CATSPERE: variants seen among roughly 807,000 people sequenced by gnomAD.
The protein encoded by CATSPERE is catsper channel auxiliary subunit epsilon.
In CATSPERE, 93 loss-of-function variants were observed where a neutral mutation model predicts 114.1. That is an observed-to-expected ratio of 0.81 (90% CI 0.69 to 0.97). The LOEUF is 0.97. CATSPERE is among the 50% of genes least tolerant of loss of function. The pLI is 0.00. For synonymous variants in CATSPERE, 341 were observed against 384.1 expected (o/e 0.89, Z 1.31); for missense variants, 1,058 against 1,131.6 (o/e 0.93, Z 0.93).
intron 11 of CATSPERE, among the ~76,000 whole-genome samples, chr1:244,581,058 C>A (rs1407024898): frequency 6.6e-6 from 1 of 151,934 alleles, no homozygotes; most frequent in African/African-American, 2.4e-5. Flanking sequence ...AGTTTCACAA[C>A]CTACATATGC....
chr1:244,535,053 C>A (rs971181563), intron 8 of CATSPERE, among the ~76,000 whole-genome samples: 3 of 152,186 alleles, frequency 2.0e-5, no homozygotes, highest in African/African-American at 7.2e-5. Context: ...TGGAAAAATT[C>A]TCTGAATTAC....
rs1041254178 is a variant in CATSPERE, at chr1:244,568,517, C to A, written c.1508-3813C>A. Among the ~76,000 whole-genome samples, 2 of 152,222 alleles carry A rather than the reference C, an allele frequency of 1.3e-5. No homozygotes were observed. Among genetic ancestry groups the A allele is most frequent in the Non-Finnish European group, 2.9e-5 (2 of 68,038 alleles). ...TATAAGCCCCTGAGTGGGGCTGCTG[C>A]CTTTCTTTCAGAGATGCGCTGCCCA... On this transcript the variant is annotated intron_variant, in intron 10 of 21. Transcript: ENST00000366534. This position sits in a 1 kb window ranked among gnomAD's most constrained non-coding sequence, Gnocchi z 4.4.
chr1:244,549,955 A>G (rs1660350321), intron 8 of CATSPERE, among the ~76,000 whole-genome samples: 1 of 152,152 alleles, frequency 6.6e-6, no homozygotes, highest in Admixed American at 6.5e-5. Flanking sequence ...CGAAAGGGCA[A>G]AAGAAGAGCG....
chr1:244,509,332 A>G (rs1164813681), intron 7 of CATSPERE, among the ~76,000 whole-genome samples: 2 of 152,072 alleles, frequency 1.3e-5, no homozygotes, highest in Non-Finnish European at 2.9e-5. Flanking sequence ...CTGTTAAGAC[A>G]ATCATATGGT....
intron 7 of CATSPERE, 77 bp from the exon 8 acceptor site, chr1:244,518,515 T>A (rs1676999740): frequency 1.1e-6 from 1 of 895,058 alleles, no homozygotes; most frequent in African/African-American, 1.7e-5. Context: ...AATAACAAAT[T>A]CAATATATCC....
intron 7 of CATSPERE, among the ~76,000 whole-genome samples, chr1:244,499,650 A>G (rs917678710): frequency 6.6e-6 from 1 of 152,154 alleles, no homozygotes; most frequent in South Asian, 2.1e-4. Flanking sequence ...AGTTTCATCC[A>G]TGTCCCTGCA....
At chr1:244,567,743 G>C (rs566993722) in intron 10 of CATSPERE, among the ~76,000 whole-genome samples, 88 of 151,846 alleles carry the variant, frequency 5.8e-4, no homozygotes, top group African/African-American at 2.0e-3. Flanking sequence ...AATTCATCTA[G>C]CCTTTTTTCA....
At chr1:244,477,832 T>TA (rs1669610498) in intron 3 of CATSPERE, 74 bp from the exon 4 acceptor site, 9 of 1,280,080 alleles carry the variant, frequency 7.0e-6, no homozygotes, top group Middle Eastern at 1.9e-4. Context: ...TTTTTAGGCT[T>TA]AAAAAATAGT....
chr1:244,623,524 A>G (rs528404103), intron 20 of CATSPERE, among the ~76,000 whole-genome samples: 76 of 152,370 alleles, frequency 5.0e-4, no homozygotes, highest in African/African-American at 1.8e-3. Flanking sequence ...AACATGTCAC[A>G]GAAAGAATAA....
Position 244,621,299 on chromosome 1 carries a change from A to ATATAGC in CATSPERE, c.2648+3617_2648+3618insGCTATA, listed in dbSNP as rs1672319101. Among the ~76,000 whole-genome samples, 4 of 86,632 alleles carry ATATAGC rather than the reference A, an allele frequency of 4.6e-5. 1 individual carries two copies. Among genetic ancestry groups the ATATAGC allele is most frequent in the Non-Finnish European group, 6.9e-5 (3 of 43,558 alleles). The allele number at this position is 86,632 out of a possible 152,430, so 56.8% of individuals were successfully genotyped here. A position where few individuals can be genotyped will look rare whatever the true frequency, so the allele number is the denominator to read the frequency against. Reference sequence around the variant, plus strand: ...TATCTATATAGATATATCTATATAAATATATAAATATATAAAATATATATA... The same window carrying ATATAGC: ...TATCTATATAGATATATCTATATAAATATAGCTATATAAATATATAAAATATATATA... On this transcript the variant is annotated intron_variant, in intron 20 of 21. Coordinates refer to ENST00000366534, the MANE Select transcript of CATSPERE (RefSeq NM_001130957.2).
chr1:244,493,364 T>TA (rs1372597855), intron 6 of CATSPERE, among the ~76,000 whole-genome samples: 1 of 152,188 alleles, frequency 6.6e-6, no homozygotes, highest in Non-Finnish European at 1.5e-5. Flanking sequence ...ATTCCCTATT[T>TA]AATAAATGGT....
At position 244,477,696 on chromosome 1, in the gene CATSPERE, G is replaced by A. The variant is rs534862172; in HGVS notation, c.188+82G>A. The A allele has an allele frequency of 3.5e-5, 38 of 1,076,312 alleles. No individual in the cohort carries two copies. In the African/African-American group the frequency reaches 5.4e-4, roughly 15 times the overall value. 66.7% of individuals were successfully genotyped at this position (1,076,312 alleles called of 1,614,324 possible). ...AATGTGAACATTGAGATTCAAGGCT[G>A]TGATTTAATATAAATTTTCTTTCAT... On this transcript the variant is annotated intron_variant, in intron 3 of 21. Transcript: ENST00000366534.
intron 5 of CATSPERE, among the ~76,000 whole-genome samples, chr1:244,490,069 C>T (rs1671744287): frequency 6.6e-6 from 1 of 152,082 alleles, no homozygotes; most frequent in Non-Finnish European, 1.5e-5. Context: ...GAGGGTACTT[C>T]AAGAAGCAAA....
At chr1:244,468,969 G>A (rs572233408) in intron 2 of CATSPERE, among the ~76,000 whole-genome samples, 2 of 152,220 alleles carry the variant, frequency 1.3e-5, no homozygotes, top group Admixed American at 6.5e-5. Context: ...GAGATTTTCC[G>A]TGACTCTTCT....
At chr1:244,455,593 T>C (rs1354177373) in intron 1 of CATSPERE, among the ~76,000 whole-genome samples, 1 of 141,272 alleles carries the variant, frequency 7.1e-6, no homozygotes, top group African/African-American at 2.5e-5. Context: ...AAAAGGCCTT[T>C]ATGTTTCTCT....
intron 7 of CATSPERE, among the ~76,000 whole-genome samples, chr1:244,508,017 T>G (rs562465447): frequency 3.9e-5 from 6 of 152,268 alleles, no homozygotes; most frequent in South Asian, 2.1e-4. Flanking sequence ...ATGTCCTTGA[T>G]ATTTTGATAG....
At chr1:244,580,584 G>T (rs965244070) in intron 11 of CATSPERE, among the ~76,000 whole-genome samples, 1 of 152,006 alleles carries the variant, frequency 6.6e-6, no homozygotes, top group South Asian at 2.1e-4. Context: ...AAACACCCAC[G>T]TAATCACCAT....
Position 244,461,472 on chromosome 1 carries a change from T to C in CATSPERE, c.43T>C (p.Cys15Arg). 1 of 1,351,696 alleles carries C rather than the reference T, an allele frequency of 7.4e-7. No individual in the cohort carries two copies. 83.7% of individuals were successfully genotyped at this position (1,351,696 alleles called of 1,614,324 possible). ...EVAVLLLWLS[C>R]YGSALWRYST... ...GGCCGTGCTGCTGCTGTGGCTGAGC[T>C]GCTATGGCTCCGCCCTTTGGAGGTA... The change falls in exon 1 of 22, where the codon TGC becomes CGC. Residue 15 changes from cysteine (C) to arginine (R), a missense_variant. Transcript: ENST00000366534.
chr1:244,549,921 A>C (rs1558476781), intron 8 of CATSPERE, among the ~76,000 whole-genome samples: 1 of 152,120 alleles, frequency 6.6e-6, no homozygotes, highest in African/African-American at 2.4e-5. Context: ...GGCATCACGC[A>C]GTCCACTGAG....
Sources: gnomAD v4.1 joint callset for allele counts (sites outside exome capture counted in the v4.1 genomes callset) on GRCh38, gnomAD v4.1.1 for gene constraint, Gnocchi (gnomAD v3.1) non-coding constraint, MANE v1.5 for transcripts, NCBI Gene and HGNC (gene_info 2026-07-23, HGNC 2026-07-21) for gene names.